The following PDE4B variants were observed in gnomAD, a reference collection of about 807,000 sequenced individuals.
PDE4B encodes the protein phosphodiesterase 4B, also known as 3',5'-cyclic-AMP phosphodiesterase 4B.
Under a neutral mutation model 82.2 loss-of-function variants are expected in PDE4B, and 20 were observed. That is an observed-to-expected ratio of 0.24 (90% CI 0.17 to 0.35). The LOEUF (loss-of-function observed/expected upper bound fraction) is 0.35, where lower values mean the gene tolerates loss of function less well. Ranked by LOEUF, PDE4B falls within the 10% of genes least tolerant of loss-of-function variation. PDE4B has a pLI of 1.00. For synonymous variants in PDE4B, 320 were observed against 318.9 expected, an observed-to-expected ratio of 1.00 and a Z score of -0.04; for missense variants, 655 against 907.2, an observed-to-expected ratio of 0.72 and a Z score of 3.57.
intron 3 of PDE4B, among the ~76,000 whole-genome samples, chr1:66,134,149 T>A (rs1646008085): frequency 6.6e-6 from 1 of 152,218 alleles, no homozygotes; most frequent in Non-Finnish European, 1.5e-5. Context: ...AACAGTTTTC[T>A]TGTTGTGCCA....
At chr1:66,052,872 G>T (rs1655114399) in intron 3 of PDE4B, among the ~76,000 whole-genome samples, 1 of 142,102 alleles carries the variant, frequency 7.0e-6, no homozygotes, top group Non-Finnish European at 1.6e-5. Context: ...CAGGCTGATG[G>T]GCAGCTTCTT....
At chr1:65,926,458 G>T (rs958143982) in intron 3 of PDE4B, among the ~76,000 whole-genome samples, 1 of 152,078 alleles carries the variant, frequency 6.6e-6, no homozygotes, top group Non-Finnish European at 1.5e-5. Context: ...TAATTCTTAA[G>T]TTTGTGCTCC....
At chr1:65,979,587 G>T (rs927291883) in intron 3 of PDE4B, among the ~76,000 whole-genome samples, 1 of 152,188 alleles carries the variant, frequency 6.6e-6, no homozygotes, top group Admixed American at 6.5e-5. Flanking sequence ...CTTGCCTGTT[G>T]TCTATCATTC....
chr1:66,256,666 C>T (rs1382769044), intron 4 of PDE4B, among the ~76,000 whole-genome samples: 1 of 152,138 alleles, frequency 6.6e-6, no homozygotes, highest in African/African-American at 2.4e-5. Context: ...GAGCCCCAGG[C>T]CTCGTGTGGT....
chr1:66,022,657 C>A (rs1438573884), intron 3 of PDE4B, among the ~76,000 whole-genome samples: 1 of 152,078 alleles, frequency 6.6e-6, no homozygotes, highest in African/African-American at 2.4e-5. Flanking sequence ...GGGATGAAAC[C>A]AACTTGATTT....
chr1:66,311,865 T>C (rs868389911), intron 7 of PDE4B, among the ~76,000 whole-genome samples: 1 of 152,206 alleles, frequency 6.6e-6, no homozygotes, highest in Non-Finnish European at 1.5e-5. Context: ...TCAGGGCTGA[T>C]TCCTGACCGC....
At position 66,174,529 on chromosome 1, in the gene PDE4B, G is replaced by A. The variant is rs371655446; in HGVS notation, c.282-72931G>A. Among the ~76,000 whole-genome samples the A allele has an allele frequency of 1.4e-4, 21 of 152,096 alleles. No individual in the cohort carries two copies. In the East Asian group the frequency reaches 2.5e-3, roughly 18 times the overall value. On this transcript the variant is annotated intron_variant, in intron 3 of 16. Transcript: ENST00000341517. ...TCCCAGCACTTTAGGAGGCCGAGGC[G>A]GGCGGATCACAAGGTCAGGAGTTCG... is the stretch of plus-strand genomic sequence containing the variant.
At chr1:65,837,039 G>T (rs376081906) in intron 1 of PDE4B, among the ~76,000 whole-genome samples, 2 of 151,592 alleles carry the variant, frequency 1.3e-5, no homozygotes, top group Admixed American at 6.6e-5. Context: ...CAGATCAACT[G>T]CTGGAAATGT....
At chr1:66,235,955 T>C (rs909889251) in intron 3 of PDE4B, among the ~76,000 whole-genome samples, 1 of 152,212 alleles carries the variant, frequency 6.6e-6, no homozygotes, top group African/African-American at 2.4e-5. Context: ...TACTTGGCCA[T>C]CCAAAATTGA....
intron 7 of PDE4B, among the ~76,000 whole-genome samples, chr1:66,299,954 A>G (rs1657768705): frequency 1.3e-5 from 2 of 152,182 alleles, no homozygotes; most frequent in South Asian, 4.1e-4. Flanking sequence ...TATTATAAGG[A>G]AAAAATATAT....
intron 3 of PDE4B, among the ~76,000 whole-genome samples, chr1:66,213,878 A>T (rs964434666): frequency 2.6e-5 from 4 of 152,200 alleles, no homozygotes; most frequent in African/African-American, 9.6e-5. Flanking sequence ...TATCTCATTC[A>T]TAACTACATA....
chr1:66,194,352 T>C (rs184082325), intron 3 of PDE4B, among the ~76,000 whole-genome samples: 1 of 152,280 alleles, frequency 6.6e-6, no homozygotes, highest in Non-Finnish European at 1.5e-5. Context: ...GAATATGCTA[T>C]GTTAACATCA....
At chr1:66,082,064 A>C (rs1656769247) in intron 3 of PDE4B, among the ~76,000 whole-genome samples, 1 of 152,154 alleles carries the variant, frequency 6.6e-6, no homozygotes, top group Non-Finnish European at 1.5e-5. Flanking sequence ...ATATGCAGAA[A>C]GAAGTAAGAA....
intron 6 of PDE4B, among the ~76,000 whole-genome samples, chr1:66,258,940 C>T (rs1654470294): frequency 1.3e-5 from 2 of 152,148 alleles, no homozygotes; most frequent in African/African-American, 2.4e-5. Context: ...TGATCTTTCT[C>T]ACATGTTGTA....
At chr1:66,266,870 C>A (rs945055369) in intron 7 of PDE4B, 1 of 331,674 alleles carries the variant, frequency 3.0e-6, no homozygotes, top group Non-Finnish European at 6.1e-6. Flanking sequence ...TTGAGAAAAA[C>A]CACAGGAGAA....
At chr1:66,046,980 C>T (rs1321285613) in intron 3 of PDE4B, among the ~76,000 whole-genome samples, 1 of 151,756 alleles carries the variant, frequency 6.6e-6, no homozygotes, top group Admixed American at 6.6e-5. Context: ...TGCACAGAAA[C>T]AAGATAGCAA....
intron 3 of PDE4B, among the ~76,000 whole-genome samples, chr1:66,118,468 A>C (rs1382450598): frequency 6.6e-6 from 1 of 152,174 alleles, no homozygotes; most frequent in Non-Finnish European, 1.5e-5. Flanking sequence ...AACTATTGCA[A>C]GGACAAAAAA....
chr1:65,990,705 CA>C (rs149992083), intron 3 of PDE4B, among the ~76,000 whole-genome samples: 1,531 of 152,146 alleles, frequency 0.01, 20 homozygotes, highest in African/African-American at 0.035. Context: ...CATTGGGAAT[CA>C]AAAAACCTGG....
intron 4 of PDE4B, among the ~76,000 whole-genome samples, chr1:66,251,570 G>A (rs1357872184): frequency 1.3e-5 from 2 of 152,130 alleles, no homozygotes; most frequent in Non-Finnish European, 2.9e-5. Flanking sequence ...AAGTCAATAG[G>A]CAATTTTAGC....
Sources: allele counts gnomAD v4.1 joint callset (sites outside exome capture counted in the v4.1 genomes callset), GRCh38; gene constraint gnomAD v4.1.1; transcripts MANE v1.5; gene names NCBI Gene and HGNC (gene_info 2026-07-23, HGNC 2026-07-21).